Variants in MYO1D observed in about 807,000 individuals in gnomAD.
The protein encoded by MYO1D is myosin ID, also known as unconventional myosin-Id.
A neutral mutation model predicts 122.0 loss-of-function variants in MYO1D; 83 were observed. The observed-to-expected ratio is 0.68, with a 90% confidence interval of 0.57 to 0.82. MYO1D has a LOEUF of 0.82. Ranked by LOEUF, MYO1D falls within the 40% of genes least tolerant of loss-of-function variation. The pLI is 0.00. For missense variants in MYO1D, 1,157 were observed against 1,269.5 expected (o/e 0.91, Z 1.35); for synonymous variants, 464 against 446.9 (o/e 1.04, Z -0.48).
intron 21 of MYO1D, among the ~76,000 whole-genome samples, chr17:32,559,289 A>G (rs1340900978): frequency 1.3e-5 from 2 of 152,236 alleles, no homozygotes; most frequent in East Asian, 3.8e-4. Flanking sequence ...TTCTTAAATT[A>G]AGTTTAGCTT....
chr17:32,785,699 C>G (rs2090286256), intron 1 of MYO1D, among the ~76,000 whole-genome samples: 1 of 152,212 alleles, frequency 6.6e-6, no homozygotes, highest in Non-Finnish European at 1.5e-5. Flanking sequence ...TCAACACACT[C>G]TTCTATTGGC....
intron 16 of MYO1D, among the ~76,000 whole-genome samples, chr17:32,692,334 C>A (rs548784475): frequency 1.3e-5 from 2 of 152,282 alleles, no homozygotes; most frequent in East Asian, 3.9e-4. Context: ...ATAAAATAAA[C>A]CTCAATACTG....
intron 1 of MYO1D, among the ~76,000 whole-genome samples, chr17:32,822,767 C>T (rs1020554759): frequency 4.6e-5 from 7 of 151,402 alleles, no homozygotes; most frequent in African/African-American, 1.5e-4. Flanking sequence ...AGGCCCGGGG[C>T]GTCCCCGCAC....
intron 1 of MYO1D, among the ~76,000 whole-genome samples, chr17:32,798,271 T>C (rs537677456): frequency 6.6e-6 from 1 of 152,360 alleles, no homozygotes; most frequent in South Asian, 2.1e-4. Flanking sequence ...ACACCTTGTC[T>C]GCTGGCTCTC....
chr17:32,634,014 T>C lies in MYO1D; in HGVS notation c.2709+4708A>G, dbSNP rs191438485. Among the ~76,000 whole-genome samples, 10 of 152,350 alleles carry C rather than the reference T, an allele frequency of 6.6e-5. No homozygotes were observed. The East Asian group carries it at 1.9e-3, about 29-fold the overall frequency. On this transcript the variant is annotated intron_variant, in intron 20 of 21. Transcript: ENST00000318217. ...TTCCAAGACTTGCAGAGATTTTGCC[T>C]GTTTTGACACCTCTATGTTCCTAAT...
chr17:32,771,046 G>A, intron 6 of MYO1D, 79 bp downstream of exon 6: 2 of 1,096,368 alleles, frequency 1.8e-6, no homozygotes, highest in Non-Finnish European at 2.7e-6. Flanking sequence ...TAGCAGGCTT[G>A]ACCAGATAAT....
intron 15 of MYO1D, among the ~76,000 whole-genome samples, chr17:32,712,613 G>T (rs1480855357): frequency 6.6e-6 from 1 of 152,114 alleles, no homozygotes; most frequent in Non-Finnish European, 1.5e-5. Flanking sequence ...AAACAAAATG[G>T]ATACTACTTA....
chr17:32,692,444 G>A (rs2089116197), intron 16 of MYO1D, among the ~76,000 whole-genome samples: 1 of 152,084 alleles, frequency 6.6e-6, no homozygotes, highest in Non-Finnish European at 1.5e-5. Context: ...AATGAAATAC[G>A]TGGCAAAATT....
At chr17:32,650,864 T>C (rs2088378583) in intron 19 of MYO1D, among the ~76,000 whole-genome samples, 1 of 152,232 alleles carries the variant, frequency 6.6e-6, no homozygotes, top group Non-Finnish European at 1.5e-5. Flanking sequence ...CTATCATCTA[T>C]ATCAGTTCTG....
chr17:32,575,402 A>G (rs1567895387), intron 21 of MYO1D, among the ~76,000 whole-genome samples: 3 of 152,370 alleles, frequency 2.0e-5, no homozygotes, highest in South Asian at 2.1e-4. Flanking sequence ...GAAAATTTTG[A>G]AAGAGTAAAA....
In MYO1D at chr17:32,604,188, C is replaced by T. The variant is rs190964625; in HGVS notation, c.2864+899G>A. On this transcript the variant is annotated intron_variant, in intron 21 of 21. Transcript: ENST00000318217. ...GAGAGAAAGAGAAGCCACGTCTAAA[C>T]TGAAAAAAAAAAACATACTAATAAG... 2.0e-3 allele frequency among the ~76,000 whole-genome samples: 224 copies of T among 114,074 alleles called. 1 individual carries two copies. The highest frequency in any genetic ancestry group is 6.7e-3 in the African/African-American group (215 of 32,182). 74.8% of individuals were successfully genotyped at this position (114,074 alleles called of 152,430 possible). A position where few individuals can be genotyped will look rare whatever the true frequency, so the allele number is the denominator to read the frequency against.
At chr17:32,574,082 G>A (rs2087256267) in intron 21 of MYO1D, among the ~76,000 whole-genome samples, 1 of 150,114 alleles carries the variant, frequency 6.7e-6, no homozygotes, top group South Asian at 2.1e-4. Context: ...TCGATCTCCT[G>A]ACCTCGTGAT....
rs56214129 is a variant in MYO1D at position 32,560,528 on chromosome 17, CATATATATATATATATATATATATATAT to C, written c.2864+44531_2864+44558del. On this transcript the variant is annotated intron_variant, in intron 21 of 21. Coordinates refer to ENST00000318217, the MANE Select transcript of MYO1D (RefSeq NM_015194.3). ...AAAAAAAAGTAATACCCAGAGACAACATATATATATATATATATATATATATATATATATATATATATATATATAACTT... is the reference window on the plus strand; with the variant it reads ...AAAAAAAAGTAATACCCAGAGACAACATATATATATATATATATATAACTT... Among the ~76,000 whole-genome samples, 46 of 65,442 alleles carry C rather than the reference CATATATATATATATATATATATATATAT, an allele frequency of 7.0e-4. 2 individuals carry two copies. Among genetic ancestry groups the C allele is most frequent in the East Asian group, 5.7e-3 (12 of 2,122 alleles). The allele number at this position is 65,442 out of a possible 152,430, so 42.9% of individuals were successfully genotyped here.
intron 21 of MYO1D, among the ~76,000 whole-genome samples, chr17:32,550,774 C>G (rs1460725339): frequency 6.6e-6 from 1 of 152,034 alleles, no homozygotes; most frequent in Non-Finnish European, 1.5e-5. Flanking sequence ...GGAGGGAGGA[C>G]AGCTTGAGCC....
intron 20 of MYO1D, among the ~76,000 whole-genome samples, chr17:32,610,663 A>G (rs1244313417): frequency 6.6e-6 from 1 of 152,228 alleles, no homozygotes; most frequent in Non-Finnish European, 1.5e-5. Context: ...GCAACTCTGG[A>G]GTACAAAAAG....
intron 13 of MYO1D, 86 bp from the exon 14 acceptor site, chr17:32,738,471 T>C (rs905213336): frequency 1.5e-6 from 2 of 1,336,316 alleles, no homozygotes; most frequent in African/African-American, 3.0e-5. Context: ...AAATGTATCC[T>C]GAGAATCATA....
At chr17:32,634,506 T>A (rs1222579529) in intron 20 of MYO1D, among the ~76,000 whole-genome samples, 2 of 152,132 alleles carry the variant, frequency 1.3e-5, no homozygotes, top group Non-Finnish European at 1.5e-5. Flanking sequence ...CATTAGGAGA[T>A]GTAAGGATAG....
At chr17:32,551,710 G>A (rs928887381) in intron 21 of MYO1D, among the ~76,000 whole-genome samples, 14 of 151,572 alleles carry the variant, frequency 9.2e-5, no homozygotes, top group African/African-American at 3.4e-4. Context: ...ATCAGCACGC[G>A]GTTCCATTTT....
chr17:32,700,840 A>T (rs2089238559), intron 16 of MYO1D, among the ~76,000 whole-genome samples: 1 of 150,850 alleles, frequency 6.6e-6, no homozygotes, highest in African/African-American at 2.4e-5. Flanking sequence ...GCTACTTGGG[A>T]GGCTGAGGCA....
Sources: allele counts gnomAD v4.1 joint callset (sites outside exome capture counted in the v4.1 genomes callset), GRCh38; gene constraint gnomAD v4.1.1; transcripts MANE v1.5; gene names NCBI Gene and HGNC (gene_info 2026-07-23, HGNC 2026-07-21).